Variants in UNC13C observed in about 807,000 individuals in gnomAD.
UNC13C encodes the protein unc-13 homolog C.
In UNC13C, 174 loss-of-function variants were observed where a neutral mutation model predicts 245.4. That is an observed-to-expected ratio of 0.71 (90% confidence interval 0.63 to 0.80). The LOEUF (loss-of-function observed/expected upper bound fraction) is 0.80. UNC13C is among the 30% of genes least tolerant of loss of function. The pLI is 0.00. For missense variants in UNC13C, 2,829 were observed against 2,602.9 expected (o/e 1.09, Z -1.89); for synonymous variants, 992 against 895.1 (o/e 1.11, Z -1.93).
At chr15:54,100,269 T>C (rs1375704467) in intron 2 of UNC13C, among the ~76,000 whole-genome samples, 1 of 152,202 alleles carries the variant, frequency 6.6e-6, no homozygotes, top group Non-Finnish European at 1.5e-5. Flanking sequence ...TTTTTCCACC[T>C]ATACCTTGGA....
At chr15:54,125,240 G>T (rs1168328971) in intron 2 of UNC13C, among the ~76,000 whole-genome samples, 1 of 152,124 alleles carries the variant, frequency 6.6e-6, no homozygotes, top group African/African-American at 2.4e-5. Flanking sequence ...ATGGCAGGTG[G>T]ATCGTGAGGT....
At position 54,171,401 on chromosome 15, in the gene UNC13C, A is replaced by G. The variant is rs1164679037; in HGVS notation, c.3071+27717A>G. Among the ~76,000 whole-genome samples the G allele has an allele frequency of 4.6e-5, 7 of 151,976 alleles. 1 individual carries two copies. Among genetic ancestry groups the G allele is most frequent in the Admixed American group, 3.9e-4 (6 of 15,254 alleles). On this transcript the variant is annotated intron_variant, in intron 4 of 32. Coordinates refer to ENST00000260323, the MANE Select transcript of UNC13C (RefSeq NM_001080534.3). ...ATATACAAGGGACTCAAACAACACT[A>G]TAGGAAACAATCTAATAATCCGATT...
chr15:53,939,063 G>GT, the UNC13C span, among the ~76,000 whole-genome samples: 1 of 151,914 alleles, frequency 6.6e-6, no homozygotes, highest in Non-Finnish European at 1.5e-5. Context: ...CCAGGAGCTG[G>GT]TTTTTTGCAA....
intron 2 of UNC13C, among the ~76,000 whole-genome samples, chr15:54,082,480 G>A (rs537981413): frequency 6.6e-6 from 1 of 151,650 alleles, no homozygotes; most frequent in Non-Finnish European, 1.5e-5. Context: ...TTTAAATTTT[G>A]TCTGACTGGG....
At chr15:53,928,755 G>T in the UNC13C span, among the ~76,000 whole-genome samples, 1 of 152,314 alleles carries the variant, frequency 6.6e-6, no homozygotes, top group East Asian at 1.9e-4. Context: ...AGGTACTGCT[G>T]CTTTCACAGA....
At chr15:54,392,213 G>A (rs112892019) in intron 17 of UNC13C, among the ~76,000 whole-genome samples, 2 of 152,092 alleles carry the variant, frequency 1.3e-5, no homozygotes, top group African/African-American at 4.8e-5. Context: ...TAAATGACCA[G>A]AATAGCTTAT....
At chr15:54,294,172 A>C in intron 11 of UNC13C, 108 bp downstream of exon 11, 1 of 984,408 alleles carries the variant, frequency 1.0e-6, no homozygotes, top group Non-Finnish European at 1.4e-6. Context: ...CCTTTCCAGG[A>C]CATTCTGTTG....
intron 8 of UNC13C, among the ~76,000 whole-genome samples, chr15:54,251,896 C>T (rs1182259629): frequency 2.0e-5 from 3 of 152,106 alleles, no homozygotes; most frequent in African/African-American, 4.8e-5. Flanking sequence ...ATTCTCCATA[C>T]AAGATTAGAT....
At chr15:54,044,304 A>G in intron 2 of UNC13C, 1 of 174,556 alleles carries the variant, frequency 5.7e-6, no homozygotes, top group Middle Eastern at 6.3e-4. Flanking sequence ...GATATACCAC[A>G]CTTGTCTATC....
chr15:54,086,223 T>A (rs1899230867), intron 2 of UNC13C, among the ~76,000 whole-genome samples: 1 of 152,202 alleles, frequency 6.6e-6, no homozygotes, highest in Non-Finnish European at 1.5e-5. Flanking sequence ...CTCCCTATAC[T>A]TCTCAGCCTC....
intron 4 of UNC13C, among the ~76,000 whole-genome samples, chr15:54,159,843 T>A (rs2032902207): frequency 6.6e-6 from 1 of 152,224 alleles, no homozygotes; most frequent in African/African-American, 2.4e-5. Flanking sequence ...GGTTTACCAT[T>A]ATGCAGTAGT....
chr15:54,378,276 TTTG>T (rs1388253685), intron 17 of UNC13C, among the ~76,000 whole-genome samples: 34 of 152,208 alleles, frequency 2.2e-4, no homozygotes, highest in Admixed American at 1.4e-3. Context: ...TACTCCAGAG[TTTG>T]TTATCTTTGT....
chr15:54,398,965 C>G (rs1002518083), intron 18 of UNC13C, among the ~76,000 whole-genome samples: 3 of 151,344 alleles, frequency 2.0e-5, no homozygotes, highest in African/African-American at 7.3e-5. Context: ...CATTCCTTTA[C>G]TATTGTCTTT....
chr15:54,527,443 A>G (rs1251010905), intron 25 of UNC13C, among the ~76,000 whole-genome samples: 1 of 152,246 alleles, frequency 6.6e-6, no homozygotes, highest in East Asian at 1.9e-4. Context: ...ATGGAAAATA[A>G]GATGACTAAA....
chr15:53,872,180 C>G, the UNC13C span, among the ~76,000 whole-genome samples: 4 of 152,104 alleles, frequency 2.6e-5, no homozygotes, highest in Non-Finnish European at 5.9e-5. Context: ...ACCATATGCC[C>G]CAGCTGCATT....
Position 54,057,223 on chromosome 15 carries a change from G to A in UNC13C, c.2983+41337G>A, listed in dbSNP as rs984424539. Among the ~76,000 whole-genome samples the A allele has an allele frequency of 7.8e-4, 118 of 151,724 alleles. 1 individual carries two copies. Among genetic ancestry groups the A allele is most frequent in the African/African-American group, 2.6e-3 (109 of 41,346 alleles). On this transcript the variant is annotated intron_variant, in intron 2 of 32. Transcript: ENST00000260323. ...GCTGTATTCAGGAAACCCATCTCAC[G>A]TGCAGAGACACACATAGGCTCAAAA...
intron 19 of UNC13C, among the ~76,000 whole-genome samples, chr15:54,430,865 T>G (rs1458033910): frequency 6.6e-6 from 1 of 151,760 alleles, no homozygotes; most frequent in Non-Finnish European, 1.5e-5. Flanking sequence ...CTAATGTAAC[T>G]GAGGGAACAG....
intron 20 of UNC13C, among the ~76,000 whole-genome samples, chr15:54,498,139 T>C (rs1325547186): frequency 6.6e-6 from 1 of 152,122 alleles, no homozygotes; most frequent in Non-Finnish European, 1.5e-5. Context: ...TTTCTATATC[T>C]ATATCTGATC....
chr15:54,211,849 A>C (rs1479222576), intron 4 of UNC13C, among the ~76,000 whole-genome samples: 2 of 152,114 alleles, frequency 1.3e-5, no homozygotes, highest in Non-Finnish European at 2.9e-5. Flanking sequence ...GTCAGGATGC[A>C]GCGTTATTTT....
Sources: gnomAD v4.1 joint callset for allele counts (sites outside exome capture counted in the v4.1 genomes callset) on GRCh38, gnomAD v4.1.1 for gene constraint, MANE v1.5 for transcripts, NCBI Gene and HGNC (gene_info 2026-07-23, HGNC 2026-07-21) for gene names.